The following ASIC2 variants were observed in gnomAD, a reference collection of about 807,000 sequenced individuals.
ASIC2 encodes the protein acid-sensing ion channel 2.
ASIC2 carries 25 observed loss-of-function variants against 57.3 expected under a neutral mutation model. The ratio of observed to expected loss-of-function variants is 0.44; its 90% CI spans 0.32 to 0.61. The LOEUF (loss-of-function observed/expected upper bound fraction) is 0.61, where lower values mean the gene tolerates loss of function less well. ASIC2 is among the 20% of genes least tolerant of loss of function. The probability of loss-of-function intolerance (pLI) is 0.06; values close to 1 mark genes in which losing one functional copy is unlikely to be tolerated. For missense variants in ASIC2, 641 were observed against 738.1 expected (o/e 0.87, Z 1.52); for synonymous variants, 319 against 307.5 (o/e 1.04, Z -0.39).
At chr17:33,875,265 G>A (rs144083009) in intron 1 of ASIC2, among the ~76,000 whole-genome samples, 229 of 152,216 alleles carry the variant, frequency 1.5e-3, no homozygotes, top group Middle Eastern at 3.4e-3. Context: ...ACACATAATT[G>A]GACTCATTAT....
At chr17:33,374,535 T>G (rs1397758035) in intron 1 of ASIC2, among the ~76,000 whole-genome samples, 1 of 152,202 alleles carries the variant, frequency 6.6e-6, no homozygotes, top group Non-Finnish European at 1.5e-5. Flanking sequence ...GGGAGACTAA[T>G]TTGAGTAATA....
At chr17:33,583,956 G>T (rs1438076393) in intron 1 of ASIC2, among the ~76,000 whole-genome samples, 1 of 152,298 alleles carries the variant, frequency 6.6e-6, no homozygotes, top group Non-Finnish European at 1.5e-5. Flanking sequence ...GGAGCTGAGG[G>T]TGGGGATGAG....
intron 1 of ASIC2, among the ~76,000 whole-genome samples, chr17:33,717,181 G>A (rs1909250246): frequency 6.6e-6 from 1 of 152,334 alleles, no homozygotes; most frequent in South Asian, 2.1e-4. Context: ...CACACAAAAA[G>A]GGTGTAATTA....
chr17:33,882,312 A>G lies in ASIC2; in HGVS notation c.555+273666T>C, dbSNP rs1396540220. The stretch of plus-strand genomic sequence containing the variant: ...GCACAGCAAAAGAAACTATCATCAG[A>G]GTGAGCAGGCAGCCTACAGAATGGG... On this transcript the variant is annotated intron_variant, in intron 1 of 9. Coordinates refer to the ASIC2 transcript ENST00000359872. Among the ~76,000 whole-genome samples the G allele has an allele frequency of 2.0e-5, 3 of 152,226 alleles. No homozygotes were observed. In the East Asian group the frequency reaches 5.8e-4, roughly 29 times the overall value.
At chr17:33,191,984 C>T (rs573895031) in intron 1 of ASIC2, among the ~76,000 whole-genome samples, 3 of 152,316 alleles carry the variant, frequency 2.0e-5, no homozygotes, top group South Asian at 2.1e-4. Flanking sequence ...TTTTTCACTA[C>T]ACCATGAAAA....
At chr17:33,103,328 C>T (rs2092221632) in intron 2 of ASIC2, among the ~76,000 whole-genome samples, 1 of 152,146 alleles carries the variant, frequency 6.6e-6, no homozygotes, top group Non-Finnish European at 1.5e-5. Context: ...TCCCAACAAC[C>T]CTATAAATGT....
intron 1 of ASIC2, among the ~76,000 whole-genome samples, chr17:34,101,696 G>A (rs1910870006): frequency 6.6e-6 from 1 of 152,134 alleles, no homozygotes; most frequent in African/African-American, 2.4e-5. Flanking sequence ...ACAAGTGTAT[G>A]CCTATAAACA....
intron 1 of ASIC2, among the ~76,000 whole-genome samples, chr17:33,394,476 T>C (rs1910006385): frequency 6.6e-6 from 1 of 152,198 alleles, no homozygotes; most frequent in African/African-American, 2.4e-5. Flanking sequence ...TCTCAGGTGA[T>C]TCTATTGTGT....
intron 1 of ASIC2, among the ~76,000 whole-genome samples, chr17:33,469,410 C>A (rs901509753): frequency 1.3e-5 from 2 of 152,214 alleles, no homozygotes; most frequent in African/African-American, 4.8e-5. Flanking sequence ...GGTTCCACAG[C>A]ACACAAGCAC....
At chr17:33,748,346 A>G (rs1468219411) in intron 1 of ASIC2, among the ~76,000 whole-genome samples, 1 of 152,134 alleles carries the variant, frequency 6.6e-6, no homozygotes, top group Non-Finnish European at 1.5e-5. Flanking sequence ...CACCTCTTCC[A>G]TCCTTCAGTG....
At chr17:33,441,517 G>T (rs950327998) in intron 1 of ASIC2, among the ~76,000 whole-genome samples, 5 of 152,032 alleles carry the variant, frequency 3.3e-5, no homozygotes, top group African/African-American at 7.2e-5. Context: ...TTATTGTTTT[G>T]TATTGATGGG....
intron 3 of ASIC2, among the ~76,000 whole-genome samples, chr17:33,084,417 C>T (rs946535677): frequency 3.9e-5 from 6 of 152,212 alleles, no homozygotes; most frequent in South Asian, 2.1e-4. Context: ...GCTCCCTGTG[C>T]GCTCTCTCCA....
intron 1 of ASIC2, among the ~76,000 whole-genome samples, chr17:33,136,527 T>C (rs2092367788): frequency 6.6e-6 from 1 of 152,218 alleles, no homozygotes; most frequent in Non-Finnish European, 1.5e-5. Context: ...AGCTGACCCA[T>C]GTCGTGGAAA....
At chr17:33,425,333 G>A (rs1012531235) in intron 1 of ASIC2, among the ~76,000 whole-genome samples, 1 of 152,236 alleles carries the variant, frequency 6.6e-6, no homozygotes, top group Non-Finnish European at 1.5e-5. Flanking sequence ...AAACAACTCA[G>A]CTCTGTCAGA....
intron 1 of ASIC2, among the ~76,000 whole-genome samples, chr17:33,490,846 C>T (rs1293679505): frequency 6.6e-6 from 1 of 152,218 alleles, no homozygotes; most frequent in African/African-American, 2.4e-5. Flanking sequence ...GTCAAATCAT[C>T]TGGCATTTTC....
intron 3 of ASIC2, among the ~76,000 whole-genome samples, chr17:33,084,227 A>G (rs1351899536): frequency 6.6e-6 from 1 of 152,160 alleles, no homozygotes; most frequent in Non-Finnish European, 1.5e-5. Flanking sequence ...CATTTTACAG[A>G]TGGAAAAACT....
At chr17:33,409,560 TC>T (rs2141963804) in intron 1 of ASIC2, among the ~76,000 whole-genome samples, 1 of 152,356 alleles carries the variant, frequency 6.6e-6, no homozygotes, top group South Asian at 2.1e-4. Context: ...GTCACTGTAC[TC>T]CTATTCTCTT....
chr17:33,924,733 T>C (rs938144571), intron 1 of ASIC2, among the ~76,000 whole-genome samples: 1 of 152,164 alleles, frequency 6.6e-6, no homozygotes, highest in African/African-American at 2.4e-5. Flanking sequence ...TGGCCATATG[T>C]GCTTGGACAA....
chr17:34,139,152 G>A, intron 1 of ASIC2, among the ~76,000 whole-genome samples: 1 of 152,212 alleles, frequency 6.6e-6, no homozygotes, highest in Non-Finnish European at 1.5e-5. Context: ...TTGAAGATGG[G>A]AGAGGAGGCA....
Sources: gnomAD v4.1 joint callset for allele counts (sites outside exome capture counted in the v4.1 genomes callset) on GRCh38, gnomAD v4.1.1 for gene constraint, MANE v1.5 for transcripts, NCBI Gene and HGNC (gene_info 2026-07-23, HGNC 2026-07-21) for gene names.